Variants in ERBB4 observed in about 807,000 individuals in gnomAD.
The protein encoded by ERBB4 is erb-b2 receptor tyrosine kinase 4.
ERBB4 carries 42 observed loss-of-function variants against 158.0 expected under a neutral mutation model. The observed-to-expected ratio is 0.27, with a 90% CI of 0.21 to 0.34. ERBB4 has a LOEUF of 0.34. ERBB4 is among the 10% of genes least tolerant of loss of function. The pLI, the probability that ERBB4 is intolerant of heterozygous loss-of-function variation, is 1.00. For synonymous variants in ERBB4, 583 were observed against 558.7 expected (o/e 1.04, Z -0.61); for missense variants, 1,333 against 1,624.1 (o/e 0.82, Z 3.08).
chr2:212,390,830 A>C (rs2090832583), intron 1 of ERBB4, among the ~76,000 whole-genome samples: 2 of 151,836 alleles, frequency 1.3e-5, no homozygotes, highest in Non-Finnish European at 3.0e-5. Context: ...AAAAAGGGAC[A>C]TTAATTGTTT....
intron 1 of ERBB4, among the ~76,000 whole-genome samples, chr2:212,409,851 C>G (rs577082833): frequency 6.6e-6 from 1 of 152,170 alleles, no homozygotes; most frequent in East Asian, 1.9e-4. Flanking sequence ...AATCTGTACT[C>G]TCATAATACA....
At chr2:212,051,057 A>G (rs1319554504) in intron 2 of ERBB4, among the ~76,000 whole-genome samples, 4 of 152,194 alleles carry the variant, frequency 2.6e-5, no homozygotes, top group African/African-American at 9.6e-5. Context: ...TGCCATGAAA[A>G]GTCCAAGTAT....
At chr2:211,558,395 A>G (rs2067295201) in intron 20 of ERBB4, among the ~76,000 whole-genome samples, 1 of 151,890 alleles carries the variant, frequency 6.6e-6, no homozygotes, top group Admixed American at 6.6e-5. Flanking sequence ...ACTTACAAAG[A>G]CCCCTGTGAC....
At chr2:212,471,475 A>G (rs1689115030) in intron 1 of ERBB4, among the ~76,000 whole-genome samples, 1 of 151,832 alleles carries the variant, frequency 6.6e-6, no homozygotes, top group Non-Finnish European at 1.5e-5. Context: ...ACTACAACCA[A>G]TAAATCGAGA....
chr2:211,609,881 T>G (rs988148259), intron 19 of ERBB4, among the ~76,000 whole-genome samples: 13 of 152,230 alleles, frequency 8.5e-5, no homozygotes, highest in African/African-American at 3.1e-4. Context: ...TTTCTTTAGT[T>G]TCTGTCAGTC....
At chr2:212,094,902 GAAAT>G (rs140930320) in intron 2 of ERBB4, among the ~76,000 whole-genome samples, 7,452 of 152,196 alleles carry the variant, frequency 0.049, 401 homozygotes, top group African/African-American at 0.13. Context: ...ATATGTTTAT[GAAAT>G]AAATGTGTTA....
At chr2:212,499,988 T>C (rs1690794060) in intron 1 of ERBB4, among the ~76,000 whole-genome samples, 1 of 152,096 alleles carries the variant, frequency 6.6e-6, no homozygotes, top group Non-Finnish European at 1.5e-5. Flanking sequence ...ACACCATACA[T>C]TAACACACAT....
intron 3 of ERBB4, among the ~76,000 whole-genome samples, chr2:211,895,537 G>A (rs2079075725): frequency 6.6e-6 from 1 of 152,070 alleles, no homozygotes; most frequent in Non-Finnish European, 1.5e-5. Context: ...TGGATTACAG[G>A]CAACAGCCAC....
At chr2:211,763,017 G>A (rs1443778164) in intron 4 of ERBB4, among the ~76,000 whole-genome samples, 4 of 151,924 alleles carry the variant, frequency 2.6e-5, no homozygotes, top group African/African-American at 7.3e-5. Flanking sequence ...TGTATCTTAA[G>A]TGTGCATTAC....
chr2:212,431,965 T>A (rs2092039585), intron 1 of ERBB4, among the ~76,000 whole-genome samples: 1 of 152,226 alleles, frequency 6.6e-6, no homozygotes, highest in East Asian at 1.9e-4. Flanking sequence ...GTTTTACTTA[T>A]TTTGTCAACT....
chr2:211,409,006 C>T (rs758187904), intron 25 of ERBB4, among the ~76,000 whole-genome samples: 6 of 151,846 alleles, frequency 4.0e-5, no homozygotes, highest in Non-Finnish European at 5.9e-5. Flanking sequence ...TAGAGTAAAA[C>T]GAAAAAGGCT....
chr2:211,450,953 G>A (rs894255531), intron 20 of ERBB4, among the ~76,000 whole-genome samples: 6 of 152,182 alleles, frequency 3.9e-5, no homozygotes, highest in Non-Finnish European at 7.3e-5. Flanking sequence ...CTTGCATATC[G>A]TAAGTGGATA....
At chr2:212,059,678 A>C (rs960634015) in intron 2 of ERBB4, among the ~76,000 whole-genome samples, 9 of 152,256 alleles carry the variant, frequency 5.9e-5, no homozygotes, top group Admixed American at 2.6e-4. Context: ...ACCTGACAAA[A>C]ACAAGAAATG....
intron 2 of ERBB4, among the ~76,000 whole-genome samples, chr2:212,012,665 A>G (rs1459138277): frequency 6.6e-6 from 1 of 152,140 alleles, no homozygotes; most frequent in Non-Finnish European, 1.5e-5. Flanking sequence ...CACCCACCTC[A>G]GTCTCCCAAA....
At chr2:211,626,811 A>G (rs12694247) in intron 17 of ERBB4, among the ~76,000 whole-genome samples, 139,295 of 151,954 alleles carry the variant, frequency 0.92, 63,912 homozygotes, top group African/African-American at 0.95. Flanking sequence ...TGTAGTCCCA[A>G]CTACTCGGGA....
chr2:212,292,107 A>T (rs1402641965), intron 1 of ERBB4, among the ~76,000 whole-genome samples: 1 of 152,022 alleles, frequency 6.6e-6, no homozygotes, highest in Non-Finnish European at 1.5e-5. Context: ...TGAAAAACTG[A>T]AACAATTTTT....
At chr2:212,178,387 T>C (rs908324314) in intron 1 of ERBB4, among the ~76,000 whole-genome samples, 8 of 151,632 alleles carry the variant, frequency 5.3e-5, no homozygotes, top group African/African-American at 1.7e-4. Flanking sequence ...ATGAGAGTTA[T>C]GTAAAGAAGG....
intron 25 of ERBB4, among the ~76,000 whole-genome samples, chr2:211,412,836 C>A (rs1370813764): frequency 6.6e-6 from 1 of 151,584 alleles, no homozygotes; most frequent in Non-Finnish European, 1.5e-5. Flanking sequence ...TGCCTGTAAT[C>A]CCAGCTACTC....
At chr2:211,773,621 T>C (rs1272915468) in intron 4 of ERBB4, among the ~76,000 whole-genome samples, 10 of 62,996 alleles carry the variant, frequency 1.6e-4, no homozygotes, top group African/African-American at 5.8e-4. Flanking sequence ...TATATATATA[T>C]ATATATATAT....
Sources: allele counts gnomAD v4.1 joint callset (sites outside exome capture counted in the v4.1 genomes callset), GRCh38; gene constraint gnomAD v4.1.1; transcripts MANE v1.5; gene names NCBI Gene and HGNC (gene_info 2026-07-23, HGNC 2026-07-21).